The following AGBL1 variants were observed in gnomAD, a reference collection of about 807,000 sequenced individuals.
The protein encoded by AGBL1 is cytosolic carboxypeptidase 4.
Under a neutral mutation model 118.9 loss-of-function variants are expected in AGBL1, and 130 were observed. The observed-to-expected ratio is 1.09, with a 90% CI of 0.95 to 1.26. AGBL1 has a LOEUF of 1.26. Ranked by LOEUF, AGBL1 falls within the 50% of genes most tolerant of loss-of-function variation. The pLI is 0.00. For missense variants in AGBL1, 1,584 were observed against 1,298.1 expected (o/e 1.22, Z -3.38); for synonymous variants, 555 against 478.9 (o/e 1.16, Z -2.08).
intron 21 of AGBL1, among the ~76,000 whole-genome samples, chr15:86,666,336 G>A (rs2085643926): frequency 6.6e-6 from 1 of 151,852 alleles, no homozygotes; most frequent in Admixed American, 6.6e-5. Flanking sequence ...TTATTTTGCT[G>A]GTTTAAACAA....
chr15:86,661,788 G>T (rs1351120154), intron 21 of AGBL1, among the ~76,000 whole-genome samples: 1 of 152,052 alleles, frequency 6.6e-6, no homozygotes, highest in Non-Finnish European at 1.5e-5. Context: ...CAAGTACAGG[G>T]CTCCATACCA....
chr15:86,464,005 G>A (rs1305581857), intron 18 of AGBL1, among the ~76,000 whole-genome samples: 1 of 152,132 alleles, frequency 6.6e-6, no homozygotes, highest in African/African-American at 2.4e-5. Context: ...GATGGGAATA[G>A]CATTGAATCT....
At chr15:86,499,389 G>A (rs1009984902) in intron 18 of AGBL1, among the ~76,000 whole-genome samples, 11 of 151,970 alleles carry the variant, frequency 7.2e-5, no homozygotes, top group Non-Finnish European at 1.3e-4. Context: ...GAGAAGGGTT[G>A]GGGTCTGTGG....
chr15:86,924,490 T>TA (rs1158689944), intron 23 of AGBL1, among the ~76,000 whole-genome samples: 1 of 152,216 alleles, frequency 6.6e-6, no homozygotes, highest in Non-Finnish European at 1.5e-5. Context: ...ATTCCTCTGT[T>TA]AATCATGACC....
chr15:86,810,836 T>A (rs2078779118), intron 22 of AGBL1, among the ~76,000 whole-genome samples: 1 of 152,152 alleles, frequency 6.6e-6, no homozygotes, highest in Admixed American at 6.5e-5. Context: ...CAGTTCGTGG[T>A]ACTGGTGAGA....
At chr15:86,665,239 C>A (rs1235363835) in intron 21 of AGBL1, among the ~76,000 whole-genome samples, 1 of 152,134 alleles carries the variant, frequency 6.6e-6, no homozygotes, top group African/African-American at 2.4e-5. Flanking sequence ...CTCTGTTGCT[C>A]ATTTTACGAT....
intron 22 of AGBL1, among the ~76,000 whole-genome samples, chr15:86,753,333 C>G (rs2077882796): frequency 1.3e-5 from 2 of 151,408 alleles, no homozygotes; most frequent in African/African-American, 4.9e-5. Flanking sequence ...TTTCAGTAAA[C>G]TTGCTTAGGG....
At chr15:86,328,694 A>C (rs1036040228) in intron 17 of AGBL1, among the ~76,000 whole-genome samples, 1 of 152,164 alleles carries the variant, frequency 6.6e-6, no homozygotes, top group Non-Finnish European at 1.5e-5. Flanking sequence ...AGAGAGACAG[A>C]CAGCCTCCCT....
intron 22 of AGBL1, among the ~76,000 whole-genome samples, chr15:86,697,266 C>G (rs537057581): frequency 1.3e-5 from 2 of 151,702 alleles, no homozygotes; most frequent in Non-Finnish European, 2.9e-5. Context: ...AACATAATCC[C>G]AAACTTCTTG....
chr15:86,385,421 G>A (rs4887444), intron 17 of AGBL1, among the ~76,000 whole-genome samples: 15,697 of 152,186 alleles, frequency 0.1, 1,105 homozygotes, highest in African/African-American at 0.2. Context: ...CAGAGTCTCA[G>A]GCATCACCTC....
At chr15:86,163,633 C>T (rs1325658676) in intron 5 of AGBL1, among the ~76,000 whole-genome samples, 2 of 151,882 alleles carry the variant, frequency 1.3e-5, no homozygotes, top group South Asian at 2.1e-4. Context: ...GAGGCTGAGG[C>T]AGGAGAATCA....
chr15:86,133,573 T>C (rs1441100983), intron 1 of AGBL1, among the ~76,000 whole-genome samples: 1 of 152,232 alleles, frequency 6.6e-6, no homozygotes, highest in Non-Finnish European at 1.5e-5. Flanking sequence ...GCGCAGTTCC[T>C]GGTACATAGC....
Position 86,203,435 on chromosome 15 carries a change from C to T in AGBL1, c.489-21479C>T, listed in dbSNP as rs1178974419. Among the ~76,000 whole-genome samples, 52 of 152,200 alleles carry T rather than the reference C, an allele frequency of 3.4e-4. 1 individual carries two copies. Among genetic ancestry groups the T allele is most frequent in the South Asian group, 2.1e-4 (1 of 4,810 alleles). ...AGGTCATTGTTTCTGAAACTGGCAA[C>T]CTAAATATTGTTTGTCTTTATAAAT... On this transcript the variant is annotated intron_variant, in intron 5 of 22. Coordinates refer to ENST00000614907, the MANE Select transcript of AGBL1 (RefSeq NM_001386094.1).
intron 24 of AGBL1, among the ~76,000 whole-genome samples, chr15:87,021,759 G>C (rs1218158130): frequency 2.6e-5 from 4 of 152,200 alleles, no homozygotes; most frequent in South Asian, 2.1e-4. Context: ...TGGGAGGCAG[G>C]ACTAGACTGC....
chr15:86,803,119 C>T (rs191780820), intron 22 of AGBL1, among the ~76,000 whole-genome samples: 269 of 152,244 alleles, frequency 1.8e-3, no homozygotes, highest in Admixed American at 4.1e-3. Flanking sequence ...TAAGGAGCAT[C>T]ATGTATAGCA....
At chr15:86,877,141 A>G (rs1020894195) in intron 22 of AGBL1, among the ~76,000 whole-genome samples, 3 of 152,134 alleles carry the variant, frequency 2.0e-5, no homozygotes, top group Admixed American at 6.5e-5. Flanking sequence ...GTTCAAATGC[A>G]TAAAAGCCCC....
intron 23 of AGBL1, among the ~76,000 whole-genome samples, chr15:86,928,054 A>G (rs957013882): frequency 6.6e-6 from 1 of 152,234 alleles, no homozygotes; most frequent in African/African-American, 2.4e-5. Flanking sequence ...AAATAAATGT[A>G]TAAAACAAAA....
In AGBL1 at chr15:86,266,084, C is replaced by T. The variant is rs563887135; in HGVS notation, c.1668-290C>T. 5.0e-4 allele frequency among the ~76,000 whole-genome samples: 76 copies of T among 152,324 alleles called. 2 individuals carry two copies. In the South Asian group the frequency reaches 0.011, roughly 21 times the overall value. ...CTAGAAAAGTTCCAAAGTCCCCCAA[C>T]GCAAGTGCTTTTGATAAAATTCTTC... On this transcript the variant is annotated intron_variant, in intron 11 of 22. Transcript: ENST00000614907.
At chr15:86,726,853 C>A (rs1392935850) in intron 22 of AGBL1, among the ~76,000 whole-genome samples, 2 of 152,142 alleles carry the variant, frequency 1.3e-5, no homozygotes, top group African/African-American at 2.4e-5. Context: ...CTGCACCCAG[C>A]CAGTACTATG....
Sources: allele counts gnomAD v4.1 joint callset (sites outside exome capture counted in the v4.1 genomes callset), GRCh38; gene constraint gnomAD v4.1.1; transcripts MANE v1.5; gene names NCBI Gene and HGNC (gene_info 2026-07-23, HGNC 2026-07-21).